Variants in PGCKA1 observed in about 807,000 individuals in gnomAD.
PGCKA1 encodes the protein PDCD10 and GCKIII kinases associated 1, also known as PDCD10 and GCKIII kinases-associated protein 1.
the PGCKA1 span, among the ~76,000 whole-genome samples, chr4:37,491,491 T>C: frequency 6.6e-6 from 1 of 152,244 alleles, no homozygotes; most frequent in Non-Finnish European, 1.5e-5. Flanking sequence ...CTGTTTTTCT[T>C]GTGCATTTTT....
the PGCKA1 span, among the ~76,000 whole-genome samples, chr4:37,478,145 C>T: frequency 9.7e-6 from 1 of 103,596 alleles, no homozygotes; most frequent in Non-Finnish European, 2.3e-5. Flanking sequence ...TAAAAACACC[C>T]CCCCCCACCG....
chr4:37,533,361 T>A, the PGCKA1 span, among the ~76,000 whole-genome samples: 1 of 152,210 alleles, frequency 6.6e-6, no homozygotes, highest in Non-Finnish European at 1.5e-5. Flanking sequence ...CTGGTGTTCT[T>A]TTACTTCTAC....
chr4:37,456,535 G>C, the PGCKA1 span, among the ~76,000 whole-genome samples: 1 of 152,202 alleles, frequency 6.6e-6, no homozygotes. Flanking sequence ...ATTAACAAAT[G>C]ACAAAAGGAA....
the PGCKA1 span, among the ~76,000 whole-genome samples, chr4:37,494,345 C>G: frequency 6.6e-6 from 1 of 152,144 alleles, no homozygotes; most frequent in African/African-American, 2.4e-5. Flanking sequence ...GCATTCTCAT[C>G]ATTTAGCTCC....
chr4:37,464,275 C>T, the PGCKA1 span, among the ~76,000 whole-genome samples: 2 of 152,154 alleles, frequency 1.3e-5, no homozygotes, highest in African/African-American at 2.4e-5. Flanking sequence ...CCAGAAGAGA[C>T]GGTAATGAGG....
chr4:37,536,275 T>C, the PGCKA1 span, among the ~76,000 whole-genome samples: 1 of 152,190 alleles, frequency 6.6e-6, no homozygotes, highest in Non-Finnish European at 1.5e-5. Flanking sequence ...AGAATTTCAC[T>C]CCCCTTGAAA....
At chr4:37,567,949 G>C in the PGCKA1 span, among the ~76,000 whole-genome samples, 1 of 152,166 alleles carries the variant, frequency 6.6e-6, no homozygotes, top group African/African-American at 2.4e-5. Context: ...CTATCGTAAA[G>C]ACTACAGGAG....
chr4:37,504,235 A>G, the PGCKA1 span, among the ~76,000 whole-genome samples: 1 of 152,096 alleles, frequency 6.6e-6, no homozygotes, highest in Non-Finnish European at 1.5e-5. Flanking sequence ...AATGAGTTCA[A>G]TATAGGTGTA....
chr4:37,546,625 A>C, the PGCKA1 span, among the ~76,000 whole-genome samples: 1 of 152,218 alleles, frequency 6.6e-6, no homozygotes, highest in Non-Finnish European at 1.5e-5. Context: ...CTTCCTTCTA[A>C]AACTTGGTGT....
At chr4:37,582,909 C>G in the PGCKA1 span, among the ~76,000 whole-genome samples, 1 of 152,300 alleles carries the variant, frequency 6.6e-6, no homozygotes, top group East Asian at 1.9e-4. Context: ...TTACTGACAT[C>G]AATTATTATT....
chr4:37,458,107 T>C, the PGCKA1 span, among the ~76,000 whole-genome samples: 6 of 152,182 alleles, frequency 3.9e-5, no homozygotes, highest in African/African-American at 1.4e-4. Flanking sequence ...AGTTACTTGG[T>C]CTAACCACCT....
At chr4:37,555,161 A>C in the PGCKA1 span, among the ~76,000 whole-genome samples, 1 of 152,082 alleles carries the variant, frequency 6.6e-6, no homozygotes, top group East Asian at 1.9e-4. Flanking sequence ...AGCACTTACC[A>C]CTGGTTTTGA....
the PGCKA1 span, among the ~76,000 whole-genome samples, chr4:37,457,559 T>A: frequency 2.0e-5 from 3 of 152,222 alleles, no homozygotes; most frequent in African/African-American, 7.2e-5. Context: ...GTTTTGAAAT[T>A]TGATTTTGGT....
At chr4:37,478,087 G>C in the PGCKA1 span, among the ~76,000 whole-genome samples, 142 of 151,162 alleles carry the variant, frequency 9.4e-4, no homozygotes, top group African/African-American at 3.3e-3. Flanking sequence ...TTCCAGTCTT[G>C]TATGGATTGG....
chr4:37,469,008 G>A, the PGCKA1 span, among the ~76,000 whole-genome samples: 2 of 152,118 alleles, frequency 1.3e-5, no homozygotes, highest in African/African-American at 4.8e-5. Flanking sequence ...CTTATACAAT[G>A]TTGGTGCCTT....
At chr4:37,572,048 C>CT in the PGCKA1 span, among the ~76,000 whole-genome samples, 249 of 111,616 alleles carry the variant, frequency 2.2e-3, no homozygotes, top group Middle Eastern at 0.012. Flanking sequence ...AACTTCACAC[C>CT]TTTTTTTTTT....
the PGCKA1 span, chr4:37,590,411 A>G: frequency 6.2e-7 from 1 of 1,613,514 alleles, no homozygotes; most frequent in South Asian, 1.1e-5. Context: ...ACCCAGGATG[A>G]CAGGGGCTCC....
chr4:37,564,950 C>T, the PGCKA1 span, among the ~76,000 whole-genome samples: 2 of 142,580 alleles, frequency 1.4e-5, no homozygotes, highest in African/African-American at 5.2e-5. Flanking sequence ...CAAGATTCCA[C>T]CCCGTACACA....
chr4:37,581,768 C>T, the PGCKA1 span, among the ~76,000 whole-genome samples: 22 of 152,158 alleles, frequency 1.4e-4, no homozygotes, highest in East Asian at 3.1e-3. This position sits in a 1 kb window ranked among gnomAD's most constrained non-coding sequence, Gnocchi z 4.4. Flanking sequence ...GATCAGGTGC[C>T]CCCCCAGGTC....
Sources: allele counts gnomAD v4.1 joint callset (sites outside exome capture counted in the v4.1 genomes callset), GRCh38; gene constraint gnomAD v4.1.1; non-coding constraint Gnocchi (gnomAD v3.1); transcripts MANE v1.5; gene names NCBI Gene and HGNC (gene_info 2026-07-23, HGNC 2026-07-21).